TSGA10: variants seen among roughly 807,000 people sequenced by gnomAD.
The protein encoded by TSGA10 is testis specific 10, also known as testis-specific gene 10 protein.
A neutral mutation model predicts 96.6 loss-of-function variants in TSGA10; 43 were observed. The observed-to-expected ratio is 0.44, with a 90% CI of 0.35 to 0.57. The LOEUF is 0.57. Among genes scored for constraint, TSGA10 ranks in the 20% least tolerant of loss-of-function variants. The pLI, the probability that TSGA10 is intolerant of heterozygous loss-of-function variation, is 0.01. For synonymous variants in TSGA10, 229 were observed against 269.9 expected, an observed-to-expected ratio of 0.85 and a Z score of 1.48; for missense variants, 703 against 834.4, an observed-to-expected ratio of 0.84 and a Z score of 1.94.
intron 10 of TSGA10, among the ~76,000 whole-genome samples, chr2:99,095,225 A>G (rs2089901078): frequency 6.6e-6 from 1 of 152,094 alleles, no homozygotes; most frequent in Non-Finnish European, 1.5e-5. Flanking sequence ...AGGATGATAC[A>G]ATGGACTTTG....
intron 10 of TSGA10, among the ~76,000 whole-genome samples, chr2:99,096,365 T>C (rs1159386759): frequency 6.6e-6 from 1 of 152,250 alleles, no homozygotes; most frequent in Non-Finnish European, 1.5e-5. Context: ...ATGCTTTCAA[T>C]GGCATGAAAC....
intron 10 of TSGA10, among the ~76,000 whole-genome samples, chr2:99,100,510 C>CA (rs2090562170): frequency 1.3e-5 from 2 of 152,122 alleles, no homozygotes; most frequent in Admixed American, 6.5e-5. Flanking sequence ...CACTGCCTCA[C>CA]AACATACACA....
chr2:99,009,450 T>C (rs1427830613), intron 20 of TSGA10, among the ~76,000 whole-genome samples: 2 of 151,798 alleles, frequency 1.3e-5, no homozygotes, highest in Non-Finnish European at 2.9e-5. Flanking sequence ...CAGGTGCCTG[T>C]AGTCCCAGCT....
At chr2:99,118,990 C>CAA (rs909473090) in intron 2 of TSGA10, among the ~76,000 whole-genome samples, 5 of 150,328 alleles carry the variant, frequency 3.3e-5, no homozygotes, top group African/African-American at 1.2e-4. Context: ...ACAACAGCAA[C>CAA]AAAAAAAAAC....
At chr2:99,061,498 T>C (rs1026020995) in intron 16 of TSGA10, among the ~76,000 whole-genome samples, 1 of 152,204 alleles carries the variant, frequency 6.6e-6, no homozygotes, top group Non-Finnish European at 1.5e-5. Context: ...ACTCTTTTAG[T>C]TATTTTTAAA....
At chr2:99,130,815 G>A (rs917760327) in intron 1 of TSGA10, among the ~76,000 whole-genome samples, 3 of 152,130 alleles carry the variant, frequency 2.0e-5, no homozygotes, top group Admixed American at 6.5e-5. Flanking sequence ...TGTAAGGAAG[G>A]GGTCTAGTTT....
At chr2:99,022,488 C>T (rs2080138121) in intron 17 of TSGA10, among the ~76,000 whole-genome samples, 1 of 152,052 alleles carries the variant, frequency 6.6e-6, no homozygotes, top group African/African-American at 2.4e-5. Flanking sequence ...CCTTTATTAG[C>T]ACAATGTTTT....
chr2:99,135,245 C>T (rs961351469), intron 1 of TSGA10, among the ~76,000 whole-genome samples: 1 of 152,222 alleles, frequency 6.6e-6, no homozygotes, highest in Non-Finnish European at 1.5e-5. Context: ...AAGCCCCTGA[C>T]TGGGGCTGCT....
intron 1 of TSGA10, among the ~76,000 whole-genome samples, chr2:99,148,954 T>G (rs1362889363): frequency 6.6e-6 from 1 of 151,834 alleles, no homozygotes; most frequent in African/African-American, 2.4e-5. Flanking sequence ...GTTATATATA[T>G]TTTACCACAA....
intron 16 of TSGA10, among the ~76,000 whole-genome samples, chr2:99,036,723 C>T (rs2081661198): frequency 6.6e-6 from 1 of 151,924 alleles, no homozygotes; most frequent in Non-Finnish European, 1.5e-5. Flanking sequence ...GACAAATGGT[C>T]AGAGTGGATA....
chr2:99,037,564 C>A (rs1373317265), intron 16 of TSGA10, among the ~76,000 whole-genome samples: 1 of 151,984 alleles, frequency 6.6e-6, no homozygotes, highest in Non-Finnish European at 1.5e-5. Flanking sequence ...AAATCAATAA[C>A]CTGGCCGGGT....
intron 10 of TSGA10, chr2:99,102,137 G>A (rs556004630): frequency 5.4e-6 from 8 of 1,470,550 alleles, no homozygotes; most frequent in Non-Finnish European, 7.6e-6. Flanking sequence ...GTTACAAATC[G>A]ATCATGGAGC....
At chr2:99,018,445 C>G (rs947762375) in intron 19 of TSGA10, 91 bp downstream of exon 19, 2 of 1,564,812 alleles carry the variant, frequency 1.3e-6, no homozygotes, top group East Asian at 2.3e-5. Context: ...ATCTAACCAT[C>G]ATGAAAGAAC....
At chr2:99,123,434 T>C (rs1172510743) in intron 2 of TSGA10, among the ~76,000 whole-genome samples, 1 of 152,190 alleles carries the variant, frequency 6.6e-6, no homozygotes, top group East Asian at 1.9e-4. Context: ...ATTTTTCTAG[T>C]CTCGTGTTCA....
chr2:99,022,360 C>T (rs1290719431), intron 17 of TSGA10, among the ~76,000 whole-genome samples: 2 of 143,846 alleles, frequency 1.4e-5, no homozygotes, highest in African/African-American at 5.1e-5. Flanking sequence ...AAACACCCAA[C>T]ACAGAACGTT....
In TSGA10 at chr2:99,002,047, G is replaced by C. The variant is rs543806138; in HGVS notation, c.2073-3826C>G. Among the ~76,000 whole-genome samples the C allele has an allele frequency of 1.8e-3, 277 of 152,312 alleles. 2 individuals are homozygous for C. Among genetic ancestry groups the C allele is most frequent in the Admixed American group, 6.0e-3 (91 of 15,288 alleles). On this transcript the variant is annotated intron_variant, in intron 20 of 20. Transcript: ENST00000393483. ...AAAGTGACGGGGAGAATGGAACCAAGTTGGAAAACACTCTGCGGGATATTA... is the reference window on the plus strand; with the variant it reads ...AAAGTGACGGGGAGAATGGAACCAACTTGGAAAACACTCTGCGGGATATTA...
intron 9 of TSGA10, among the ~76,000 whole-genome samples, 197 bp from the exon 10 acceptor site, chr2:99,104,315 T>C (rs1280108562): frequency 6.6e-6 from 1 of 152,192 alleles, no homozygotes; most frequent in Admixed American, 6.5e-5. Flanking sequence ...CACTGCAAAG[T>C]AAAGCTTATC....
intron 2 of TSGA10, among the ~76,000 whole-genome samples, chr2:99,121,460 A>G (rs375480614): frequency 6.4e-4 from 1 of 1,562 alleles, no homozygotes. Flanking sequence ...TGAAGTATAT[A>G]TATTCATATA....
intron 16 of TSGA10, among the ~76,000 whole-genome samples, chr2:99,049,280 C>A (rs879170585): frequency 6.6e-6 from 1 of 152,032 alleles, no homozygotes; most frequent in Non-Finnish European, 1.5e-5. Flanking sequence ...CACATGTGCA[C>A]GTATGTTTAC....
Sources: gnomAD v4.1 joint callset for allele counts (sites outside exome capture counted in the v4.1 genomes callset) on GRCh38, gnomAD v4.1.1 for gene constraint, MANE v1.5 for transcripts, NCBI Gene and HGNC (gene_info 2026-07-23, HGNC 2026-07-21) for gene names.